JAM3: variants seen among roughly 807,000 people sequenced by gnomAD.
JAM3 encodes junctional adhesion molecule 3.
In JAM3, 31 loss-of-function variants were observed where a neutral mutation model predicts 39.4. The ratio of observed to expected loss-of-function variants is 0.79; its 90% confidence interval spans 0.59 to 1.06. The LOEUF (loss-of-function observed/expected upper bound fraction) is 1.06. Among genes scored for constraint, JAM3 ranks in the 50% least tolerant of loss-of-function variants. The pLI, the probability that JAM3 is intolerant of heterozygous loss-of-function variation, is 0.00. For missense variants in JAM3, 455 were observed against 391.4 expected (o/e 1.16, Z -1.37); for synonymous variants, 182 against 148.7 (o/e 1.22, Z -1.63).
Position 134,078,984 on chromosome 11 carries a change from A to G in JAM3, c.76+9825A>G, listed in dbSNP as rs548019552. ...AACCTGGGAGGTGGAGGTTGTGGTG[A>G]GCCAAGATCACGCCATTGTACTCCA... On this transcript the variant is annotated intron_variant, in intron 1 of 8. Transcript: ENST00000299106. 6.6e-5 allele frequency among the ~76,000 whole-genome samples: 10 copies of G among 152,282 alleles called. No homozygotes were observed. In the South Asian group the frequency reaches 2.1e-3, roughly 32 times the overall value.
At chr11:134,128,090 GAAAA>G (rs1942687583) in intron 1 of JAM3, among the ~76,000 whole-genome samples, 1 of 151,974 alleles carries the variant, frequency 6.6e-6, no homozygotes, top group African/African-American at 2.4e-5. Context: ...GGAAAAGAAA[GAAAA>G]AAGAAAGGTT....
chr11:134,093,003 C>T (rs1182466540), intron 1 of JAM3, among the ~76,000 whole-genome samples: 6 of 143,984 alleles, frequency 4.2e-5, no homozygotes, highest in Admixed American at 1.4e-4. Flanking sequence ...TCATGTTCCA[C>T]CTTACATGTC....
rs567812539 is a variant in JAM3, at chr11:134,089,628, G to A, written c.76+20469G>A. ...CCAGCTTCATCCATGTCCCCACAAA[G>A]GACATGAACTCATCATTTTTTATGG... On this transcript the variant is annotated intron_variant, in intron 1 of 8. Coordinates refer to ENST00000299106, the MANE Select transcript of JAM3 (RefSeq NM_032801.5). Among the ~76,000 whole-genome samples, 3 of 152,274 alleles carry A rather than the reference G, an allele frequency of 2.0e-5. No individual in the cohort carries two copies. The South Asian group carries it at 6.2e-4, about 32-fold the overall frequency.
chr11:134,148,900 T>G, intron 8 of JAM3, 82 bp downstream of exon 8: 1 of 1,427,602 alleles, frequency 7.0e-7, no homozygotes. Context: ...ACGGGTCTCC[T>G]GGGAAGATTT....
intron 1 of JAM3, among the ~76,000 whole-genome samples, chr11:134,083,684 C>G (rs571787723): frequency 6.6e-6 from 1 of 152,256 alleles, no homozygotes; most frequent in African/African-American, 2.4e-5. Context: ...CAAAAAACCT[C>G]TTCTAATGAA....
intron 1 of JAM3, among the ~76,000 whole-genome samples, chr11:134,084,526 A>G (rs1400642378): frequency 1.3e-5 from 2 of 152,240 alleles, no homozygotes; most frequent in Non-Finnish European, 2.9e-5. Flanking sequence ...TAATTAATTC[A>G]TGTGAAGTGC....
chr11:134,095,323 G>A (rs888806123), intron 1 of JAM3, among the ~76,000 whole-genome samples: 4 of 151,938 alleles, frequency 2.6e-5, no homozygotes, highest in Non-Finnish European at 5.9e-5. Context: ...GGCACATGAA[G>A]TCTTTTGACT....
chr11:134,132,624 G>T (rs1942789519), intron 1 of JAM3, among the ~76,000 whole-genome samples: 1 of 152,186 alleles, frequency 6.6e-6, no homozygotes, highest in African/African-American at 2.4e-5. Context: ...ACTCTGGTAA[G>T]ACAATTTCTC....
At chr11:134,111,212 C>T (rs1300149385) in intron 1 of JAM3, among the ~76,000 whole-genome samples, 3 of 138,582 alleles carry the variant, frequency 2.2e-5, no homozygotes, top group African/African-American at 2.8e-5. Flanking sequence ...GGCGCGATCT[C>T]GGCTCACTGC....
Position 134,149,294 on chromosome 11 carries a change from G to A in JAM3, c.*113G>A. 1 of 1,330,042 alleles carries A rather than the reference G, an allele frequency of 7.5e-7. No individual in the cohort carries two copies. The highest frequency in any genetic ancestry group is 1.1e-6 in the Non-Finnish European group (1 of 941,884). 82.4% of individuals were successfully genotyped at this position (1,330,042 alleles called of 1,614,324 possible). On this transcript the variant is annotated 3_prime_UTR_variant, in exon 9 of 9. Coordinates refer to ENST00000299106, the MANE Select transcript of JAM3 (RefSeq NM_032801.5). Reference sequence around the variant, plus strand: ...TCGGACAGAGCTAGACACTCATTCAGAAGCTTTTCGTTTTGGCCAAAGTTG... The same window carrying A: ...TCGGACAGAGCTAGACACTCATTCAAAAGCTTTTCGTTTTGGCCAAAGTTG...
chr11:134,103,589 C>G, intron 1 of JAM3, among the ~76,000 whole-genome samples: 1 of 152,104 alleles, frequency 6.6e-6, no homozygotes, highest in African/African-American at 2.4e-5. Flanking sequence ...AGAGTCAAGA[C>G]CCATCAGTGT....
At position 134,144,984 on chromosome 11, in the gene JAM3, C is replaced by G. The variant is rs776123733; in HGVS notation, c.602C>G (p.Thr201Arg). 12 of 1,612,948 alleles carry G rather than the reference C, an allele frequency of 7.4e-6. No individual in the cohort carries two copies. Among genetic ancestry groups the G allele is most frequent in the Admixed American group, 1.7e-5 (1 of 60,006 alleles). ...RNSSFHLNSE[T>R]GTLVFTAVHK... ...TCTTCTTTCCACTTAAACTCTGAAA[C>G]AGGCACTTTGGTAAGATCTCTTCTA... Residue 201 changes from threonine to arginine, a missense_variant, in exon 5 of 9, where the codon ACA becomes AGA. Thr to Arg is a moderately conservative substitution (Grantham distance 71). Coordinates refer to ENST00000299106, the MANE Select transcript of JAM3 (RefSeq NM_032801.5).
At position 134,140,776 on chromosome 11, in the gene JAM3, ATCCTGTAG is replaced by A; in HGVS notation, c.256+11_256+18del. ...TTTTGACAACAAAATTCAGGGTATG[ATCCTGTAG>A]TCCTCTTGCCTGCTGACCTTTCCTC... is the stretch of plus-strand genomic sequence containing the variant. On this transcript the variant is annotated splice_region_variant and intron_variant, in intron 3 of 8. Coordinates refer to ENST00000299106, the MANE Select transcript of JAM3 (RefSeq NM_032801.5). The A allele has an allele frequency of 6.2e-7, 1 of 1,611,536 alleles. No individual in the cohort carries two copies. The highest frequency in any genetic ancestry group is 8.5e-7 in the Non-Finnish European group (1 of 1,178,652).
At chr11:134,127,355 C>G (rs1348412543) in intron 1 of JAM3, among the ~76,000 whole-genome samples, 1 of 152,160 alleles carries the variant, frequency 6.6e-6, no homozygotes, top group East Asian at 1.9e-4. Context: ...TCTGATGGCC[C>G]TGGTTTCAAG....
Position 134,149,948 on chromosome 11 carries a change from G to C in JAM3, c.*767G>C, listed in dbSNP as rs1369025323. 5.9e-6 allele frequency: 1 copy of C among 170,536 alleles called. No homozygotes were observed. Among genetic ancestry groups the C allele is most frequent in the Non-Finnish European group, 1.3e-5 (1 of 79,108 alleles). The allele number at this position is 170,536 out of a possible 1,614,324, so 10.6% of individuals were successfully genotyped here. ...TTACATCTAAATTTTTGCTAAGGAT[G>C]TATTTTGATTATTGAAAAGAAAATT... On this transcript the variant is annotated 3_prime_UTR_variant, in exon 9 of 9. Transcript: ENST00000299106.
At chr11:134,127,787 T>C (rs1400319285) in intron 1 of JAM3, among the ~76,000 whole-genome samples, 1 of 152,056 alleles carries the variant, frequency 6.6e-6, no homozygotes, top group East Asian at 1.9e-4. Flanking sequence ...GAGAATGGAG[T>C]GACAACCGCT....
intron 1 of JAM3, among the ~76,000 whole-genome samples, chr11:134,132,176 C>A (rs1942782153): frequency 6.6e-6 from 1 of 152,116 alleles, no homozygotes; most frequent in East Asian, 1.9e-4. Context: ...TAAAAGCACC[C>A]AGAGAGAGGT....
At position 134,108,599 on chromosome 11, in the gene JAM3, A is replaced by C. The variant is rs911750778; in HGVS notation, c.77-31252A>C. 2.0e-5 allele frequency among the ~76,000 whole-genome samples: 3 copies of C among 152,208 alleles called. No individual in the cohort carries two copies. The East Asian group carries it at 5.8e-4, about 29-fold the overall frequency. ...TTGTGTGTATAGGAAGAAAACAAAA[A>C]CAAAAACCAACCGAGGTTTATCCCA... On this transcript the variant is annotated intron_variant, in intron 1 of 8. Coordinates refer to ENST00000299106, the MANE Select transcript of JAM3 (RefSeq NM_032801.5).
chr11:134,116,724 G>C (rs1228831498), intron 1 of JAM3, among the ~76,000 whole-genome samples: 2 of 151,808 alleles, frequency 1.3e-5, no homozygotes, highest in African/African-American at 4.8e-5. Flanking sequence ...TGGTTATCAG[G>C]TGTCACTGCT....
Sources: gnomAD v4.1 joint callset for allele counts (sites outside exome capture counted in the v4.1 genomes callset) on GRCh38, gnomAD v4.1.1 for gene constraint, MANE v1.5 for transcripts, NCBI Gene and HGNC (gene_info 2026-07-23, HGNC 2026-07-21) for gene names.